ACSBG1: variants seen among roughly 807,000 people sequenced by gnomAD.
ACSBG1 encodes the protein long-chain-fatty-acid--CoA ligase ACSBG1.
Under a neutral mutation model 80.2 loss-of-function variants are expected in ACSBG1, and 39 were observed. That is an observed-to-expected ratio of 0.49 (90% CI 0.38 to 0.64). ACSBG1 has a LOEUF of 0.64. ACSBG1 is among the 30% of genes least tolerant of loss of function. The pLI, the probability that ACSBG1 is intolerant of heterozygous loss-of-function variation, is 0.00. For synonymous variants in ACSBG1, 392 were observed against 379.5 expected, an observed-to-expected ratio of 1.03 and a Z score of -0.38; for missense variants, 828 against 966.4, an observed-to-expected ratio of 0.86 and a Z score of 1.90.
chr15:78,183,029 C>T, intron 5 of ACSBG1: 1 of 572,208 alleles, frequency 1.7e-6, no homozygotes, highest in Non-Finnish European at 3.1e-6. Context: ...AACCACCAAA[C>T]AAGCTGGGGC....
intron 12 of ACSBG1, 101 bp downstream of exon 12, chr15:78,174,284 T>C: frequency 6.7e-7 from 1 of 1,496,190 alleles, no homozygotes; most frequent in South Asian, 1.2e-5. Context: ...AATGAAGCCA[T>C]GAGATCTGGA....
At chr15:78,191,789 G>A (rs565526906) in intron 5 of ACSBG1, among the ~76,000 whole-genome samples, 18 of 152,226 alleles carry the variant, frequency 1.2e-4, no homozygotes, top group African/African-American at 3.4e-4. Context: ...CTCTTGAGGC[G>A]GTGCATTATG....
At chr15:78,218,551 C>A (rs886461061) in intron 1 of ACSBG1, among the ~76,000 whole-genome samples, 47 of 152,294 alleles carry the variant, frequency 3.1e-4, no homozygotes, top group Non-Finnish European at 1.3e-4. Context: ...TAAAAAGTGA[C>A]AACTAACATT....
chr15:78,206,568 T>C (rs2075216744), intron 2 of ACSBG1, among the ~76,000 whole-genome samples: 1 of 152,174 alleles, frequency 6.6e-6, no homozygotes, highest in Admixed American at 6.5e-5. Context: ...GATGGCCTTG[T>C]CACCTCCCTT....
At chr15:78,176,895 T>C (rs752854696) in intron 11 of ACSBG1, among the ~76,000 whole-genome samples, 2 of 151,872 alleles carry the variant, frequency 1.3e-5, no homozygotes, top group Admixed American at 6.6e-5. Flanking sequence ...GCCAGTGCAC[T>C]CCAGCCTGGG....
rs553156289 is a variant in ACSBG1, at chr15:78,205,041, C to T, written c.232+2961G>A. On this transcript the variant is annotated intron_variant, in intron 2 of 13. Transcript: ENST00000258873. ...GGTGGGGAGCCAGCCCTGGCCAGCACCTCCAGCAGTTTCATCCCCAGCAGC... is the reference window on the plus strand; with the variant it reads ...GGTGGGGAGCCAGCCCTGGCCAGCATCTCCAGCAGTTTCATCCCCAGCAGC... Among the ~76,000 whole-genome samples the T allele has an allele frequency of 7.2e-5, 11 of 152,158 alleles. No homozygotes were observed. In the East Asian group the frequency reaches 1.9e-3, roughly 27 times the overall value.
In ACSBG1 at chr15:78,206,505, G is replaced by A. The variant is rs1051744814; in HGVS notation, c.232+1497C>T. Among the ~76,000 whole-genome samples, 6 of 152,266 alleles carry A rather than the reference G, an allele frequency of 3.9e-5. No homozygotes were observed. The East Asian group carries it at 9.7e-4, about 25-fold the overall frequency. On this transcript the variant is annotated intron_variant, in intron 2 of 13. Coordinates refer to ENST00000258873, the MANE Select transcript of ACSBG1 (RefSeq NM_015162.5). ...CACAGGGTGGAGGATCCTGGGGCAC[G>A]CCCACCTTGGCCGTCCCTGCCAGTT...
At chr15:78,211,199 C>G (rs1390495290) in intron 1 of ACSBG1, among the ~76,000 whole-genome samples, 1 of 152,244 alleles carries the variant, frequency 6.6e-6, no homozygotes, top group Non-Finnish European at 1.5e-5. Context: ...CTGATTCTTG[C>G]TGCTATTCCA....
intron 2 of ACSBG1, among the ~76,000 whole-genome samples, chr15:78,203,672 C>T (rs2075188263): frequency 6.6e-6 from 1 of 152,236 alleles, no homozygotes; most frequent in Admixed American, 6.5e-5. Context: ...CAAAGGCAGT[C>T]ACTCAATTAG....
At chr15:78,184,326 A>G (rs2074978053) in intron 5 of ACSBG1, among the ~76,000 whole-genome samples, 1 of 150,998 alleles carries the variant, frequency 6.6e-6, no homozygotes, top group South Asian at 2.1e-4. Flanking sequence ...TCACACCACC[A>G]CATGTCGCTA....
At chr15:78,213,232 G>T (rs1214975013) in intron 1 of ACSBG1, among the ~76,000 whole-genome samples, 4 of 152,212 alleles carry the variant, frequency 2.6e-5, no homozygotes, top group Non-Finnish European at 5.9e-5. Flanking sequence ...AGTCTGCAAT[G>T]GCGATTCACG....
At chr15:78,199,833 CT>C (rs2075150801) in intron 2 of ACSBG1, among the ~76,000 whole-genome samples, 1 of 152,064 alleles carries the variant, frequency 6.6e-6, no homozygotes, top group African/African-American at 2.4e-5. Context: ...CAAATCAAAC[CT>C]AGCCATTAGC....
intron 11 of ACSBG1, 140 bp from the exon 12 acceptor site, chr15:78,174,664 A>T: frequency 9.5e-7 from 1 of 1,054,690 alleles, no homozygotes; most frequent in Non-Finnish European, 1.3e-6. Context: ...AAGCAGTGGC[A>T]GGCCCTCCAA....
chr15:78,232,883 T>C (rs2075459080), intron 1 of ACSBG1, among the ~76,000 whole-genome samples: 1 of 152,140 alleles, frequency 6.6e-6, no homozygotes. Context: ...TTTCATCACA[T>C]TGGGCAGGCT....
At chr15:78,181,489 C>CTTTTTTTT (rs71145901) in intron 8 of ACSBG1, among the ~76,000 whole-genome samples, 3 of 83,036 alleles carry the variant, frequency 3.6e-5, no homozygotes, top group East Asian at 3.3e-4. Context: ...CATCAGGTTT[C>CTTTTTTTT]TTTTTTTTTT....
Position 78,195,000 on chromosome 15 carries a change from T to A in ACSBG1, c.233-274A>T, listed in dbSNP as rs182906875. Among the ~76,000 whole-genome samples the A allele has an allele frequency of 1.6e-3, 241 of 152,314 alleles. 1 individual carries two copies. The highest frequency in any genetic ancestry group is 5.5e-3 in the African/African-American group (230 of 41,578). On this transcript the variant is annotated intron_variant, in intron 2 of 13. Transcript: ENST00000258873. ...GAGGACAGACGGAAGTCCTAGACAC[T>A]CTGTTCCTTCTTTTATCCCAATTGG... is the stretch of plus-strand genomic sequence containing the variant.
At position 78,174,373 on chromosome 15, in the gene ACSBG1, C is replaced by T. The variant is rs1403441756; in HGVS notation, c.1842+12G>A. The T allele has an allele frequency of 1.9e-6, 3 of 1,614,010 alleles. No individual in the cohort carries two copies. Among genetic ancestry groups the T allele is most frequent in the African/African-American group, 2.7e-5 (2 of 74,912 alleles). Reference sequence around the variant, plus strand: ...TGGCTGCTCCTTCTGAGCTGGAGCCCCCCAGACACACCTTCAAGGTGAGCA... The same window carrying T: ...TGGCTGCTCCTTCTGAGCTGGAGCCTCCCAGACACACCTTCAAGGTGAGCA... On this transcript the variant is annotated intron_variant, in intron 12 of 13. Coordinates refer to ENST00000258873, the MANE Select transcript of ACSBG1 (RefSeq NM_015162.5).
chr15:78,200,158 T>G (rs2075153457), intron 2 of ACSBG1, among the ~76,000 whole-genome samples: 2 of 152,248 alleles, frequency 1.3e-5, no homozygotes, highest in South Asian at 4.1e-4. Flanking sequence ...CCATGGAGCC[T>G]GTGCTTTTGT....
At chr15:78,179,516 G>T in intron 10 of ACSBG1, 34 bp downstream of exon 10, 1 of 1,580,210 alleles carries the variant, frequency 6.3e-7, no homozygotes, top group South Asian at 1.1e-5. Context: ...AAGGGCGCAT[G>T]GGTGTGCATG....
Sources: gnomAD v4.1 joint callset for allele counts (sites outside exome capture counted in the v4.1 genomes callset) on GRCh38, gnomAD v4.1.1 for gene constraint, MANE v1.5 for transcripts, NCBI Gene and HGNC (gene_info 2026-07-23, HGNC 2026-07-21) for gene names.